The following PPP2R5E variants were observed in gnomAD, a reference collection of about 807,000 sequenced individuals.
PPP2R5E encodes the protein protein phosphatase 2 regulatory subunit B'epsilon.
In PPP2R5E, 4 loss-of-function variants were observed where a neutral mutation model predicts 65.3. The observed-to-expected ratio is 0.06, with a 90% CI of 0.03 to 0.14. The LOEUF (loss-of-function observed/expected upper bound fraction) is 0.14. Among genes scored for constraint, PPP2R5E ranks in the 10% least tolerant of loss-of-function variants. The pLI, the probability that PPP2R5E is intolerant of heterozygous loss-of-function variation, is 1.00. For synonymous variants in PPP2R5E, 183 were observed against 187.4 expected, an observed-to-expected ratio of 0.98 and a Z score of 0.19; for missense variants, 274 against 556.1, an observed-to-expected ratio of 0.49 and a Z score of 5.10.
chr14:63,379,588 G>T (rs1884194769), intron 13 of PPP2R5E, among the ~76,000 whole-genome samples: 1 of 148,274 alleles, frequency 6.7e-6, no homozygotes, highest in Non-Finnish European at 1.5e-5. Context: ...TTCTCATTAA[G>T]AAAGTACACT....
At chr14:63,401,045 A>G (rs1885724717) in intron 5 of PPP2R5E, among the ~76,000 whole-genome samples, 1 of 152,228 alleles carries the variant, frequency 6.6e-6, no homozygotes, top group South Asian at 2.1e-4. Context: ...GGCTCTCAAC[A>G]AAATGCATTG....
intron 2 of PPP2R5E, among the ~76,000 whole-genome samples, chr14:63,513,858 G>A (rs1442100729): frequency 6.6e-6 from 1 of 152,130 alleles, no homozygotes; most frequent in Non-Finnish European, 1.5e-5. Context: ...AGGCAAGAGG[G>A]GCCAGGGTAA....
At chr14:63,442,306 A>G (rs372574976) in intron 3 of PPP2R5E, among the ~76,000 whole-genome samples, 4 of 152,170 alleles carry the variant, frequency 2.6e-5, no homozygotes, top group Admixed American at 6.5e-5. Flanking sequence ...TTCAGTTATT[A>G]AGTGTGCTTC....
intron 2 of PPP2R5E, among the ~76,000 whole-genome samples, chr14:63,524,234 G>C (rs1476555423): frequency 6.6e-6 from 1 of 152,128 alleles, no homozygotes; most frequent in Non-Finnish European, 1.5e-5. Context: ...GTCTTTCATG[G>C]TGCCTACATA....
At chr14:63,423,450 G>A (rs1887151757) in intron 3 of PPP2R5E, among the ~76,000 whole-genome samples, 1 of 152,090 alleles carries the variant, frequency 6.6e-6, no homozygotes, top group Admixed American at 6.5e-5. Flanking sequence ...GTTGGTACTA[G>A]TCTCAGGATT....
intron 2 of PPP2R5E, among the ~76,000 whole-genome samples, chr14:63,476,490 C>T (rs1236102680): frequency 3.3e-5 from 5 of 152,108 alleles, no homozygotes; most frequent in Admixed American, 6.5e-5. Context: ...CTCCTCCTTC[C>T]GCTAAAGTTT....
intron 2 of PPP2R5E, among the ~76,000 whole-genome samples, chr14:63,501,279 C>T (rs1361107085): frequency 2.0e-5 from 3 of 151,932 alleles, no homozygotes; most frequent in African/African-American, 4.8e-5. Context: ...GTGGCGAGCG[C>T]CTGTAGTCCC....
intron 2 of PPP2R5E, among the ~76,000 whole-genome samples, chr14:63,537,728 T>C (rs1320232900): frequency 4.6e-5 from 7 of 152,178 alleles, no homozygotes; most frequent in Non-Finnish European, 7.4e-5. Flanking sequence ...AAGTCTGCAA[T>C]AATGAACTAG....
intron 3 of PPP2R5E, among the ~76,000 whole-genome samples, chr14:63,427,694 A>G (rs1229257017): frequency 2.6e-5 from 4 of 152,228 alleles, no homozygotes; most frequent in African/African-American, 9.6e-5. Flanking sequence ...ATAAGGACAA[A>G]GCAAGGCTGA....
At chr14:63,412,523 C>A (rs991860111) in intron 5 of PPP2R5E, among the ~76,000 whole-genome samples, 2 of 152,170 alleles carry the variant, frequency 1.3e-5, no homozygotes, top group African/African-American at 2.4e-5. Context: ...CAAATGGACA[C>A]AACCAGGATA....
At chr14:63,379,230 A>G (rs8015110) in intron 13 of PPP2R5E, among the ~76,000 whole-genome samples, 8,886 of 151,644 alleles carry the variant, frequency 0.059, 916 homozygotes, top group African/African-American at 0.2. Context: ...GGGTTTCACC[A>G]TGTTAGCCAG....
intron 11 of PPP2R5E, among the ~76,000 whole-genome samples, chr14:63,389,406 T>C (rs1211506135): frequency 6.6e-6 from 1 of 152,052 alleles, no homozygotes. Flanking sequence ...GTTAGGAGAA[T>C]TAAAGTTACT....
chr14:63,506,841 CATGA>C (rs1892207450), intron 2 of PPP2R5E, among the ~76,000 whole-genome samples: 1 of 152,180 alleles, frequency 6.6e-6, no homozygotes, highest in Non-Finnish European at 1.5e-5. Flanking sequence ...TAAAATTGTA[CATGA>C]ATGTTCATAA....
At chr14:63,426,699 CAAAAAAAAA>C (rs1191603099) in intron 3 of PPP2R5E, among the ~76,000 whole-genome samples, 2,335 of 54,848 alleles carry the variant, frequency 0.043, 78 homozygotes, top group African/African-American at 0.097. Context: ...AAAGGCTTAT[CAAAAAAAAA>C]AAAAAAAAAA....
Position 63,535,421 on chromosome 14 carries a change from CA to C in PPP2R5E, c.157+4107del, listed in dbSNP as rs939903326. On this transcript the variant is annotated intron_variant, in intron 2 of 13. Coordinates refer to ENST00000337537, the MANE Select transcript of PPP2R5E (RefSeq NM_006246.5). ...GGGCAACAAGAGCAAAACTCCATCT[CA>C]AAAAAAAAAGAAATAGGGCAAAACA... 3.1e-4 allele frequency among the ~76,000 whole-genome samples: 45 copies of C among 145,456 alleles called. 1 individual carries two copies. Among genetic ancestry groups the C allele is most frequent in the Admixed American group, 1.9e-3 (27 of 14,588 alleles).
intron 2 of PPP2R5E, among the ~76,000 whole-genome samples, chr14:63,458,631 TAAAG>T (rs927867067): frequency 1.3e-5 from 2 of 152,100 alleles, no homozygotes; most frequent in Non-Finnish European, 2.9e-5. Flanking sequence ...AATAAGTTAA[TAAAG>T]AAAATGTGGA....
rs1222801960 is a variant in PPP2R5E at position 63,542,876 on chromosome 14, A to T, written c.-105T>A. 1.3e-5 allele frequency: 2 copies of T among 153,538 alleles called. No individual in the cohort carries two copies. Among genetic ancestry groups the T allele is most frequent in the Admixed American group, 6.5e-5 (1 of 15,288 alleles). 9.5% of individuals were successfully genotyped at this position (153,538 alleles called of 1,614,324 possible). On this transcript the variant is annotated 5_prime_UTR_variant, in exon 1 of 14. Coordinates refer to ENST00000337537, the MANE Select transcript of PPP2R5E (RefSeq NM_006246.5). ...AGCGGGGGCGGGCGGCGGGACCGGG[A>T]CGTGCAGGGGGAGGTCCGGGCAGCT...
chr14:63,462,232 G>A (rs545880133), intron 2 of PPP2R5E, among the ~76,000 whole-genome samples: 3 of 152,032 alleles, frequency 2.0e-5, no homozygotes, highest in East Asian at 1.9e-4. Context: ...CACCTTGCCC[G>A]GCTAATTTTT....
chr14:63,376,985 T>C (rs1884021984), intron 13 of PPP2R5E, among the ~76,000 whole-genome samples: 1 of 151,812 alleles, frequency 6.6e-6, no homozygotes, highest in Non-Finnish European at 1.5e-5. Context: ...ATACAAAAAT[T>C]AGCCGGGCAT....
Sources: gnomAD v4.1 joint callset for allele counts (sites outside exome capture counted in the v4.1 genomes callset) on GRCh38, gnomAD v4.1.1 for gene constraint, MANE v1.5 for transcripts, NCBI Gene and HGNC (gene_info 2026-07-23, HGNC 2026-07-21) for gene names.